The following FRMD6 variants were observed in gnomAD, a reference collection of about 807,000 sequenced individuals.
The protein encoded by FRMD6 is FERM domain containing 6.
In FRMD6, 37 loss-of-function variants were observed where a neutral mutation model predicts 73.2. The ratio of observed to expected loss-of-function variants is 0.51; its 90% CI spans 0.39 to 0.66. The LOEUF is 0.66. FRMD6 is among the 30% of genes least tolerant of loss of function. The pLI is 0.00. For synonymous variants in FRMD6, 273 were observed against 282.2 expected, an observed-to-expected ratio of 0.97 and a Z score of 0.33; for missense variants, 714 against 780.5, an observed-to-expected ratio of 0.91 and a Z score of 1.02.
chr14:51,715,440 G>A lies in FRMD6; in HGVS notation c.965G>A (p.Arg322His), dbSNP rs1381185536. ...HLLQLLSNSH[R>H]LYMNLQPVLR... ...CTGCAACTTCTGAGCAACAGCCACCGCCTCTATATGAATCTGCAGCCTGTC... is the reference window on the plus strand; with the variant it reads ...CTGCAACTTCTGAGCAACAGCCACCACCTCTATATGAATCTGCAGCCTGTC... The change falls in exon 10 of 14, where the codon CGC (arginine) becomes CAC (histidine). Residue 322 changes from arginine (R) to histidine (H), a missense_variant. Physicochemically the swap from Arg to His is conservative, Grantham distance 29. Coordinates refer to ENST00000344768, the MANE Select transcript of FRMD6 (RefSeq NM_001267046.2). 33 of 1,613,854 alleles carry A rather than the reference G, an allele frequency of 2.0e-5. No individual in the cohort carries two copies. The highest frequency in any genetic ancestry group is 2.7e-5 in the Non-Finnish European group (32 of 1,179,870).
At chr14:51,404,362 G>A in the FRMD6 span, among the ~76,000 whole-genome samples, 1 of 151,966 alleles carries the variant, frequency 6.6e-6, no homozygotes, top group South Asian at 2.1e-4. Context: ...TATTTATGAT[G>A]TCTTTCAATT....
At chr14:51,710,438 C>T (rs936580223) in intron 7 of FRMD6, among the ~76,000 whole-genome samples, 8 of 152,192 alleles carry the variant, frequency 5.3e-5, no homozygotes, top group Middle Eastern at 3.4e-3. Context: ...TGAGCATAGC[C>T]TTATTTTGGA....
At chr14:51,656,647 T>G (rs1040776005) in intron 1 of FRMD6, among the ~76,000 whole-genome samples, 5 of 152,102 alleles carry the variant, frequency 3.3e-5, no homozygotes, top group African/African-American at 9.7e-5. Flanking sequence ...CTCCTGACCT[T>G]GTGATCTGCC....
chr14:51,530,334 C>T (rs542304579), intron 1 of FRMD6, among the ~76,000 whole-genome samples: 1 of 152,274 alleles, frequency 6.6e-6, no homozygotes, highest in East Asian at 1.9e-4. Context: ...ACCACAGAAA[C>T]TGGCAAATGC....
chr14:51,596,501 A>G (rs1041181790), intron 2 of FRMD6, among the ~76,000 whole-genome samples: 1 of 152,184 alleles, frequency 6.6e-6, no homozygotes, highest in African/African-American at 2.4e-5. Flanking sequence ...TGTTTCTCTG[A>G]TACTTACATG....
chr14:51,486,749 T>C (rs1168198591), upstream of FRMD6, among the ~76,000 whole-genome samples: 2 of 152,204 alleles, frequency 1.3e-5, no homozygotes, highest in African/African-American at 2.4e-5. Flanking sequence ...CTTGTCCTTA[T>C]GTGGAAGATG....
At chr14:51,560,472 C>A (rs912336407) in intron 1 of FRMD6, among the ~76,000 whole-genome samples, 1 of 152,084 alleles carries the variant, frequency 6.6e-6, no homozygotes, top group Admixed American at 6.5e-5. Flanking sequence ...CACTCCTTTG[C>A]ATTGATCCTA....
In FRMD6 at chr14:51,689,796, A is replaced by ACCCAGAGCCCAG; in HGVS notation, c.-37_-26dup. On this transcript the variant is annotated 5_prime_UTR_variant, in exon 2 of 14. Coordinates refer to ENST00000344768, the MANE Select transcript of FRMD6 (RefSeq NM_001267046.2). ...CTGGGAACCTGAGGAATTGCCAAGG[A>ACCCAGAGCCCAG]CCCAGAGCCCAGCCCTGACCACCAG... is the stretch of plus-strand genomic sequence containing the variant. 1 of 1,223,502 alleles carries ACCCAGAGCCCAG rather than the reference A, an allele frequency of 8.2e-7. No homozygotes were observed. The highest frequency in any genetic ancestry group is 1.2e-6 in the Non-Finnish European group (1 of 824,878). 75.8% of individuals were successfully genotyped at this position (1,223,502 alleles called of 1,614,324 possible).
At chr14:51,404,988 C>T in the FRMD6 span, among the ~76,000 whole-genome samples, 2 of 152,124 alleles carry the variant, frequency 1.3e-5, no homozygotes, top group Non-Finnish European at 2.9e-5. Context: ...TATGAGTTCT[C>T]ATCATTTAGC....
chr14:51,719,270 C>A (rs540362725), intron 10 of FRMD6, among the ~76,000 whole-genome samples: 1 of 152,114 alleles, frequency 6.6e-6, no homozygotes, highest in Non-Finnish European at 1.5e-5. Context: ...TGTTTGACTG[C>A]GTTAAAGAAC....
chr14:51,642,286 T>A (rs1052576009), intron 2 of FRMD6, among the ~76,000 whole-genome samples: 1 of 152,176 alleles, frequency 6.6e-6, no homozygotes, highest in East Asian at 1.9e-4. Context: ...ACGCTTGTAA[T>A]CCCAGCACTT....
the FRMD6 span, among the ~76,000 whole-genome samples, chr14:51,468,917 A>G: frequency 6.6e-6 from 1 of 151,990 alleles, no homozygotes; most frequent in Admixed American, 6.6e-5. Flanking sequence ...GGTGAATTAC[A>G]TTTGGTTTTT....
At chr14:51,705,097 G>A (rs1192113837) in intron 6 of FRMD6, among the ~76,000 whole-genome samples, 162 bp downstream of exon 6, 1 of 152,076 alleles carries the variant, frequency 6.6e-6, no homozygotes, top group African/African-American at 2.4e-5. Flanking sequence ...TGCACATCAT[G>A]TCTTCATGTA....
chr14:51,636,029 C>G (rs1283736922), intron 2 of FRMD6, among the ~76,000 whole-genome samples: 1 of 152,156 alleles, frequency 6.6e-6, no homozygotes, highest in African/African-American at 2.4e-5. Flanking sequence ...TCCGAGAAAG[C>G]GGAAGGCAAA....
intron 1 of FRMD6, among the ~76,000 whole-genome samples, chr14:51,675,502 A>G (rs187338940): frequency 6.4e-4 from 97 of 152,310 alleles, no homozygotes; most frequent in Admixed American, 2.4e-3. Context: ...AAAGCCATAT[A>G]TAAAAGAAAC....
chr14:51,565,963 G>A (rs575924677), intron 1 of FRMD6, among the ~76,000 whole-genome samples: 1 of 152,226 alleles, frequency 6.6e-6, no homozygotes, highest in South Asian at 2.1e-4. Context: ...AGGAGATTGA[G>A]ACCATCCTGG....
intron 2 of FRMD6, among the ~76,000 whole-genome samples, chr14:51,610,094 A>G (rs920585486): frequency 6.6e-6 from 1 of 152,136 alleles, no homozygotes; most frequent in South Asian, 2.1e-4. Flanking sequence ...TGTGGTGGAC[A>G]GTTCTGTACA....
chr14:51,410,836 C>G, the FRMD6 span, among the ~76,000 whole-genome samples: 1 of 152,106 alleles, frequency 6.6e-6, no homozygotes, highest in Non-Finnish European at 1.5e-5. Context: ...GTGGCTCTTT[C>G]TATATCTGTG....
chr14:51,504,688 G>T (rs934326849), intron 1 of FRMD6, among the ~76,000 whole-genome samples: 7 of 152,168 alleles, frequency 4.6e-5, no homozygotes, highest in Non-Finnish European at 1.0e-4. Flanking sequence ...TGGTAACACA[G>T]CTCTGTCTGG....
Sources: gnomAD v4.1 joint callset for allele counts (sites outside exome capture counted in the v4.1 genomes callset) on GRCh38, gnomAD v4.1.1 for gene constraint, MANE v1.5 for transcripts, NCBI Gene and HGNC (gene_info 2026-07-23, HGNC 2026-07-21) for gene names.